CHEK1: variants seen among roughly 807,000 people sequenced by gnomAD.
CHEK1 encodes the protein serine/threonine-protein kinase Chk1.
Under a neutral mutation model 60.2 loss-of-function variants are expected in CHEK1, and 32 were observed. The observed-to-expected ratio is 0.53, with a 90% CI of 0.40 to 0.71. The LOEUF (loss-of-function observed/expected upper bound fraction) is 0.71, where lower values mean the gene tolerates loss of function less well. Ranked by LOEUF, CHEK1 falls within the 30% of genes least tolerant of loss-of-function variation. CHEK1 has a pLI of 0.00. For missense variants in CHEK1, 399 were observed against 564.6 expected, an observed-to-expected ratio of 0.71 and a Z score of 2.97; for synonymous variants, 179 against 187.2, an observed-to-expected ratio of 0.96 and a Z score of 0.36.
rs754025137 is a variant in CHEK1 at position 125,635,416 on chromosome 11, G to C, written c.614-13G>C. 8 of 1,486,922 alleles carry C rather than the reference G, an allele frequency of 5.4e-6. No homozygotes were observed. The highest frequency in any genetic ancestry group is 4.5e-5 in the Admixed American group (2 of 44,464). 92.1% of individuals were successfully genotyped at this position (1,486,922 alleles called of 1,614,324 possible). A position where few individuals can be genotyped will look rare whatever the true frequency, so the allele number is the denominator to read the frequency against. Reference sequence around the variant, plus strand: ...AGAACATTTAAAAAAACTGGGACTTGCTTTGTTTTTAGAATTGCCATGGGA... The same window carrying C: ...AGAACATTTAAAAAAACTGGGACTTCCTTTGTTTTTAGAATTGCCATGGGA... On this transcript the variant is annotated splice_polypyrimidine_tract_variant and intron_variant, in intron 6 of 12. Coordinates refer to ENST00000438015, the MANE Select transcript of CHEK1 (RefSeq NM_001114122.3).
At chr11:125,674,156 G>A (rs574886166) in intron 13 of CHEK1, among the ~76,000 whole-genome samples, 3 of 152,102 alleles carry the variant, frequency 2.0e-5, no homozygotes, top group East Asian at 1.9e-4. Context: ...AAAAATTAAC[G>A]GACCTAGTAA....
chr11:125,647,737 A>T (rs961678935), intron 11 of CHEK1, among the ~76,000 whole-genome samples: 1 of 152,202 alleles, frequency 6.6e-6, no homozygotes, highest in Non-Finnish European at 1.5e-5. Flanking sequence ...TCAAGTTGAA[A>T]CATGAATAAT....
In CHEK1 at chr11:125,655,404, T is replaced by A; in HGVS notation, c.*84T>A. 5.8e-6 allele frequency: 5 copies of A among 866,062 alleles called. No homozygotes were observed. Among genetic ancestry groups the A allele is most frequent in the Non-Finnish European group, 7.3e-6 (4 of 550,824 alleles). The allele number at this position is 866,062 out of a possible 1,614,324, so 53.6% of individuals were successfully genotyped here. On this transcript the variant is annotated 3_prime_UTR_variant, in exon 13 of 13. Transcript: ENST00000438015. ...CTTCCTAGAGAAGATTATCCTGTCC[T>A]GCAAACTGCAAATAGTAGTTCCTGA...
At chr11:125,669,714 C>T (rs1389784304) in intron 13 of CHEK1, among the ~76,000 whole-genome samples, 1 of 151,454 alleles carries the variant, frequency 6.6e-6, no homozygotes, top group African/African-American at 2.4e-5. Flanking sequence ...TTAGTAGAGA[C>T]GGGATTTCAC....
intron 2 of CHEK1, among the ~76,000 whole-genome samples, chr11:125,627,337 T>C (rs1940661315): frequency 6.6e-6 from 1 of 152,250 alleles, no homozygotes; most frequent in Non-Finnish European, 1.5e-5. Flanking sequence ...ATATATGTGA[T>C]GTGGCTTAGA....
chr11:125,625,964 G>C lies in CHEK1; in HGVS notation c.-69G>C. ...GCGTGACGCCCTCAAGTTTTGGCGG[G>C]AAAAGCGCTGCATTTGGATTCCTGC... On this transcript the variant is annotated 5_prime_UTR_variant, in exon 1 of 13. Transcript: ENST00000438015. 1 of 702,640 alleles carries C rather than the reference G, an allele frequency of 1.4e-6. No individual in the cohort carries two copies. The highest frequency in any genetic ancestry group is 1.7e-5 in the African/African-American group (1 of 57,400). The allele number at this position is 702,640 out of a possible 1,614,324, so 43.5% of individuals were successfully genotyped here.
Position 125,669,511 on chromosome 11 carries a change from T to C in CHEK1, c.*28-6417T>C, listed in dbSNP as rs12288935. Among the ~76,000 whole-genome samples, 1,353 of 149,412 alleles carry C rather than the reference T, an allele frequency of 9.1e-3. 21 individuals carry two copies. The highest frequency in any genetic ancestry group is 0.03 in the African/African-American group (1,207 of 40,804). On this transcript the variant is annotated intron_variant, in intron 13 of 13. Coordinates refer to the CHEK1 transcript ENST00000428830. ...TGTGCCTAGGTATATTTCTTTTTCT[T>C]TTCTTTTTTCCTTTTTTTTTTTTTT...
Position 125,643,889 on chromosome 11 carries a change from C to T in CHEK1, c.912C>T (p.Asn304=). 2 of 1,613,400 alleles carry T rather than the reference C, an allele frequency of 1.2e-6. No individual in the cohort carries two copies. Among genetic ancestry groups the T allele is most frequent in the Non-Finnish European group, 1.7e-6 (2 of 1,179,422 alleles). Residue 304 remains asparagine, a synonymous_variant, in exon 9 of 13, where the codon AAC becomes AAT. Coordinates refer to ENST00000438015, the MANE Select transcript of CHEK1 (RefSeq NM_001114122.3). ...CCAATTTGGACTTCTCTCCAGTAAA[C>T]AGTGCTTCTAGGTAAGACTGATAAA... The part of the protein sequence containing the change: ...IQSNLDFSPV[N]SASSEENVKY...
At chr11:125,637,394 A>G (rs1409483202) in intron 7 of CHEK1, 55 bp from the exon 8 acceptor site, 3 of 1,445,288 alleles carry the variant, frequency 2.1e-6, no homozygotes, top group Non-Finnish European at 1.9e-6. Context: ...ACCTCAAGCC[A>G]TAGGCTTCTC....
intron 13 of CHEK1, among the ~76,000 whole-genome samples, chr11:125,675,759 G>A (rs1565394921): frequency 6.6e-6 from 1 of 152,100 alleles, no homozygotes; most frequent in Non-Finnish European, 1.5e-5. Context: ...TACAGTCAAT[G>A]TCCCAATGGC....
Position 125,633,264 on chromosome 11 carries a change from C to T in CHEK1, c.526C>T (p.Pro176Ser). The T allele has an allele frequency of 6.2e-7, 1 of 1,606,956 alleles. No homozygotes were observed. The highest frequency in any genetic ancestry group is 2.2e-5 in the East Asian group (1 of 44,554). Reference protein sequence around the residue: ...KMCGTLPYVAPELLKRREFHA... With the variant: ...KMCGTLPYVASELLKRREFHA... The stretch of plus-strand genomic sequence containing the variant: ...GTGTGGTACTTTACCATATGTTGCT[C>T]CAGAACTTCTGAAGAGAAGAGAATT... The change falls in exon 6 of 13, where the codon CCA becomes TCA. Residue 176 changes from proline to serine, a missense_variant. Physicochemically the swap from Pro to Ser is moderately conservative, Grantham distance 74 (BLOSUM62 -1). Transcript: ENST00000438015.
chr11:125,650,300 A>G (rs1941665277), intron 11 of CHEK1, among the ~76,000 whole-genome samples: 1 of 151,702 alleles, frequency 6.6e-6, no homozygotes, highest in South Asian at 2.1e-4. Context: ...TTTTTCCTTT[A>G]TAAGGGCCAT....
chr11:125,667,769 T>C (rs1466957018), intron 13 of CHEK1, among the ~76,000 whole-genome samples: 1 of 152,032 alleles, frequency 6.6e-6, no homozygotes, highest in Non-Finnish European at 1.5e-5. Flanking sequence ...TACAGGTGCA[T>C]GCCACCACGC....
At chr11:125,676,880 C>T (rs184400337), downstream of CHEK1, among the ~76,000 whole-genome samples, 1 of 152,296 alleles carries the variant, frequency 6.6e-6, no homozygotes, top group Admixed American at 6.5e-5. Context: ...TCATATTTGA[C>T]CGATTAATAA....
In CHEK1 at chr11:125,655,795, C is replaced by T. The variant is rs1022875058; in HGVS notation, c.*475C>T. 1 of 215,968 alleles carries T rather than the reference C, an allele frequency of 4.6e-6. No individual in the cohort carries two copies. The highest frequency in any genetic ancestry group is 9.3e-6 in the Non-Finnish European group (1 of 107,260). The allele number at this position is 215,968 out of a possible 1,614,324, so 13.4% of individuals were successfully genotyped here. A position where few individuals can be genotyped will look rare whatever the true frequency, so the allele number is the denominator to read the frequency against. The stretch of plus-strand genomic sequence containing the variant: ...CTGTGAAGCGAAGCCAGCTTCAAAA[C>T]ATATCCCCAAGATTTGTACTTATAT... On this transcript the variant is annotated 3_prime_UTR_variant, in exon 13 of 13. Coordinates refer to ENST00000438015, the MANE Select transcript of CHEK1 (RefSeq NM_001114122.3).
exon 14 of CHEK1, chr11:125,676,222 T>C: frequency 6.7e-6 from 8 of 1,187,542 alleles, no homozygotes; most frequent in African/African-American, 1.5e-5. Context: ...ATTCTGTTCT[T>C]AGTCCTTGAA....
chr11:125,651,797 T>A (rs1047264830), intron 11 of CHEK1, among the ~76,000 whole-genome samples: 2 of 152,230 alleles, frequency 1.3e-5, no homozygotes, highest in African/African-American at 4.8e-5. Context: ...TTGTTTTGAA[T>A]AAGTTGCTGC....
chr11:125,665,451 T>C (rs1208925024), intron 13 of CHEK1, among the ~76,000 whole-genome samples: 1 of 152,144 alleles, frequency 6.6e-6, no homozygotes, highest in Non-Finnish European at 1.5e-5. Context: ...CTTTTTATGT[T>C]ACATCTTTGC....
chr11:125,637,650 T>A, intron 8 of CHEK1, 106 bp downstream of exon 8: 1 of 628,028 alleles, frequency 1.6e-6, no homozygotes, highest in Non-Finnish European at 2.6e-6. Context: ...ATCTCTGTCC[T>A]CATGGAGATT....
Sources: allele counts gnomAD v4.1 joint callset (sites outside exome capture counted in the v4.1 genomes callset), GRCh38; gene constraint gnomAD v4.1.1; transcripts MANE v1.5; gene names NCBI Gene and HGNC (gene_info 2026-07-23, HGNC 2026-07-21).